The following RHBDD1 variants were observed in gnomAD, a reference collection of about 807,000 sequenced individuals.
The protein encoded by RHBDD1 is rhomboid domain containing 1, also known as rhomboid-related protein 4.
Under a neutral mutation model 36.3 loss-of-function variants are expected in RHBDD1, and 38 were observed. That is an observed-to-expected ratio of 1.05 (90% CI 0.81 to 1.37). RHBDD1 has a LOEUF of 1.37. Among genes scored for constraint, RHBDD1 ranks in the 40% most tolerant of loss-of-function variants. RHBDD1 has a pLI of 0.00. For missense variants in RHBDD1, 393 were observed against 377.6 expected (o/e 1.04, Z -0.34); for synonymous variants, 151 against 136.5 (o/e 1.11, Z -0.74).
chr2:226,939,907 A>G (rs1260758035), intron 8 of RHBDD1, among the ~76,000 whole-genome samples: 1 of 152,216 alleles, frequency 6.6e-6, no homozygotes. Context: ...TGGTAGTGGC[A>G]CAAGAATAGA....
intron 5 of RHBDD1, among the ~76,000 whole-genome samples, chr2:226,886,046 A>G (rs957637022): frequency 2.0e-5 from 3 of 152,230 alleles, no homozygotes; most frequent in African/African-American, 7.2e-5. Flanking sequence ...GTTTATTTAT[A>G]GAATTTTCCA....
chr2:226,993,683 A>G (rs1958771203), intron 8 of RHBDD1, among the ~76,000 whole-genome samples: 1 of 152,206 alleles, frequency 6.6e-6, no homozygotes, highest in African/African-American at 2.4e-5. Context: ...TCAACAGGAA[A>G]GGAGAATCAG....
rs535686662 is a variant in RHBDD1 at position 226,916,609 on chromosome 2, G to A, written c.856+2258G>A. ...AGGAAAGATTTGGACTTATATTTGGGAGACATCTTCTGATTATTATCTTCT... is the reference window on the plus strand; with the variant it reads ...AGGAAAGATTTGGACTTATATTTGGAAGACATCTTCTGATTATTATCTTCT... On this transcript the variant is annotated intron_variant, in intron 8 of 8. Transcript: ENST00000392062. Among the ~76,000 whole-genome samples the A allele has an allele frequency of 2.0e-5, 3 of 152,270 alleles. No homozygotes were observed. In the South Asian group the frequency reaches 6.2e-4, roughly 32 times the overall value.
intron 8 of RHBDD1, among the ~76,000 whole-genome samples, chr2:226,954,328 T>C (rs1951643622): frequency 6.6e-6 from 1 of 152,206 alleles, no homozygotes; most frequent in Non-Finnish European, 1.5e-5. Flanking sequence ...GGTTCATTTT[T>C]TTCAACAAGA....
At chr2:226,845,147 TTTCTTCTC>T (rs1370839473) in intron 3 of RHBDD1, among the ~76,000 whole-genome samples, 1 of 152,156 alleles carries the variant, frequency 6.6e-6, no homozygotes, top group Non-Finnish European at 1.5e-5. Context: ...TGCTTTCAGG[TTTCTTCTC>T]TATATTTGTT....
intron 5 of RHBDD1, among the ~76,000 whole-genome samples, chr2:226,877,814 T>G (rs902870641): frequency 6.6e-6 from 1 of 152,210 alleles, no homozygotes; most frequent in Non-Finnish European, 1.5e-5. Flanking sequence ...TACCGCTTTG[T>G]CAAAGATATT....
At chr2:226,912,683 GCTTA>G (rs1364509001) in intron 7 of RHBDD1, among the ~76,000 whole-genome samples, 2 of 152,076 alleles carry the variant, frequency 1.3e-5, no homozygotes, top group African/African-American at 4.8e-5. Flanking sequence ...GTAGATTAGT[GCTTA>G]CTTAGAGCTG....
the RHBDD1 span, among the ~76,000 whole-genome samples, chr2:226,829,607 G>A: frequency 3.9e-5 from 6 of 151,992 alleles, no homozygotes; most frequent in Admixed American, 6.6e-5. Context: ...TTATTCTTTC[G>A]ATGCTACCTG....
At chr2:226,874,009 C>T (rs1442532448) in intron 5 of RHBDD1, among the ~76,000 whole-genome samples, 9 of 152,230 alleles carry the variant, frequency 5.9e-5, no homozygotes, top group African/African-American at 2.2e-4. Context: ...GGTCGTCCTA[C>T]ATGGTGGCAG....
chr2:226,988,821 GGCTGAC>G, intron 8 of RHBDD1: 2 of 584,782 alleles, frequency 3.4e-6, no homozygotes, highest in Non-Finnish European at 4.3e-6. Context: ...TAACTACCAA[GGCTGAC>G]TTTTGCAGCT....
At chr2:226,933,564 G>A (rs1950159993) in intron 8 of RHBDD1, among the ~76,000 whole-genome samples, 1 of 152,094 alleles carries the variant, frequency 6.6e-6, no homozygotes, top group African/African-American at 2.4e-5. Flanking sequence ...AGCAGAGACT[G>A]TCCTAGGTGA....
chr2:226,949,373 G>T (rs999631146), intron 8 of RHBDD1, among the ~76,000 whole-genome samples: 2 of 152,076 alleles, frequency 1.3e-5, no homozygotes, highest in African/African-American at 4.8e-5. Context: ...GGAAGTTGGG[G>T]GCAAAGAATT....
intron 8 of RHBDD1, among the ~76,000 whole-genome samples, chr2:226,959,364 A>G (rs1382142343): frequency 6.6e-6 from 1 of 152,204 alleles, no homozygotes; most frequent in Non-Finnish European, 1.5e-5. Context: ...GATAATTAAC[A>G]TAGCCATCAC....
chr2:226,917,183 GA>G (rs1948967946), intron 8 of RHBDD1, among the ~76,000 whole-genome samples: 2 of 151,598 alleles, frequency 1.3e-5, no homozygotes, highest in South Asian at 4.2e-4. Flanking sequence ...CAGGCAAAAA[GA>G]AAAAAAGACA....
In RHBDD1 at chr2:226,864,813, GTTC is replaced by G. The variant is rs756794530; in HGVS notation, c.126_128del (p.Phe42del). On this transcript the variant is annotated inframe_deletion, in exon 4 of 9. Coordinates refer to ENST00000392062, the MANE Select transcript of RHBDD1 (RefSeq NM_001167608.3). ...TAGCAACTTTGGCCCTCAACATCTG[GTTC>G]TTCTTGAACCCTCAGAAGCCACTGT... 4.3e-6 allele frequency: 7 copies of G among 1,614,098 alleles called. No individual in the cohort carries two copies. In the Admixed American group the frequency reaches 1.2e-4, roughly 27 times the overall value.
At chr2:226,940,686 A>G (rs1033299316) in intron 8 of RHBDD1, among the ~76,000 whole-genome samples, 1 of 152,206 alleles carries the variant, frequency 6.6e-6, no homozygotes, top group African/African-American at 2.4e-5. Context: ...TTCAAATAGA[A>G]CTGTAATATG....
intron 8 of RHBDD1, among the ~76,000 whole-genome samples, chr2:226,970,119 G>T (rs1485138433): frequency 6.6e-6 from 1 of 151,384 alleles, no homozygotes; most frequent in Non-Finnish European, 1.5e-5. Flanking sequence ...AGAGAAAAAT[G>T]ACAAAGAATA....
At chr2:226,901,825 A>G (rs1012008238) in intron 5 of RHBDD1, among the ~76,000 whole-genome samples, 5 of 152,360 alleles carry the variant, frequency 3.3e-5, no homozygotes, top group African/African-American at 9.6e-5. Context: ...AAAGCACTTG[A>G]CTAGACATTT....
chr2:226,882,837 G>A (rs1310779582), intron 5 of RHBDD1, among the ~76,000 whole-genome samples: 1 of 152,166 alleles, frequency 6.6e-6, no homozygotes, highest in Non-Finnish European at 1.5e-5. Context: ...GGAAGTCTGA[G>A]ATCAGGTTGC....
Sources: allele counts gnomAD v4.1 joint callset (sites outside exome capture counted in the v4.1 genomes callset), GRCh38; gene constraint gnomAD v4.1.1; transcripts MANE v1.5; gene names NCBI Gene and HGNC (gene_info 2026-07-23, HGNC 2026-07-21).